Variants in RS1 observed in about 807,000 individuals in gnomAD.
RS1 encodes retinoschisin.
A neutral mutation model predicts 20.8 loss-of-function variants in RS1; 2 were observed. The observed-to-expected ratio is 0.10, with a 90% CI of 0.04 to 0.30. RS1 has a LOEUF of 0.30. Ranked by LOEUF, RS1 falls within the 10% of genes least tolerant of loss-of-function variation. The pLI is 1.00. For synonymous variants in RS1, 70 were observed against 75.8 expected (o/e 0.92, Z 0.40); for missense variants, 151 against 189.8 (o/e 0.80, Z 1.20).
At chrX:18,655,986 C>CTTTTTTTTTTTTTTTTTTTTT (rs56213978) in intron 3 of RS1, among the ~76,000 whole-genome samples, 2 of 50,826 alleles carry the variant, frequency 3.9e-5, no homozygotes, top group African/African-American at 1.6e-4. Flanking sequence ...TTTTCTTTTC[C>CTTTTTTTTTTTTTTTTTTTTT]TTTTTTTTTT....
At position 18,649,464 on chromosome X, in the gene RS1, C is replaced by T. The variant is rs150561457; in HGVS notation, c.185-2132G>A. 2.9e-3 allele frequency among the ~76,000 whole-genome samples: 328 copies of T among 111,779 alleles called. 1 individual carries two copies. Among genetic ancestry groups the T allele is most frequent in the Non-Finnish European group, 4.3e-3 (229 of 53,151 alleles). ...GTTGAATGAAACATGCTTGCAGAGACGGCCATGCCCTGTCCCCAGAGGCTA... is the reference window on the plus strand; with the variant it reads ...GTTGAATGAAACATGCTTGCAGAGATGGCCATGCCCTGTCCCCAGAGGCTA... On this transcript the variant is annotated intron_variant, in intron 3 of 5. Coordinates refer to ENST00000379984, the MANE Select transcript of RS1 (RefSeq NM_000330.4).
chrX:18,654,880 G>A (rs1928184632), intron 3 of RS1, among the ~76,000 whole-genome samples: 2 of 111,851 alleles, frequency 1.8e-5, no homozygotes, highest in Admixed American at 1.9e-4. Flanking sequence ...CTTTTTTAAT[G>A]CATATTTAAT....
chrX:18,661,189 T>C (rs1928301901), intron 1 of RS1, among the ~76,000 whole-genome samples: 1 of 111,769 alleles, frequency 8.9e-6, no homozygotes, highest in Non-Finnish European at 1.9e-5. Flanking sequence ...GGGAGGTGAT[T>C]AGGCTTTGCC....
At chrX:18,657,138 T>C (rs1423979816) in intron 2 of RS1, among the ~76,000 whole-genome samples, 12 of 109,681 alleles carry the variant, frequency 1.1e-4, no homozygotes, top group Non-Finnish European at 1.9e-4. Context: ...CCTGTTTTAC[T>C]TGCATTCTCT....
intron 3 of RS1, among the ~76,000 whole-genome samples, chrX:18,651,637 G>A (rs750336527): frequency 1.3e-3 from 140 of 111,338 alleles, no homozygotes; most frequent in South Asian, 2.3e-3. Context: ...GCCTGCCCTC[G>A]CAAGCTCGTG....
intron 3 of RS1, among the ~76,000 whole-genome samples, chrX:18,651,423 C>T (rs953965020): frequency 7.2e-5 from 8 of 111,073 alleles, no homozygotes; most frequent in African/African-American, 2.6e-4. Flanking sequence ...GGTCACAGCC[C>T]CAGCTAAAGT....
intron 3 of RS1, among the ~76,000 whole-genome samples, chrX:18,655,913 G>A (rs1207243865): frequency 9.1e-6 from 1 of 109,861 alleles, no homozygotes. Flanking sequence ...TCATCTTCCT[G>A]GCTCTAGAGC....
At chrX:18,662,957 A>T (rs778911167) in intron 1 of RS1, among the ~76,000 whole-genome samples, 10 of 108,224 alleles carry the variant, frequency 9.2e-5, no homozygotes, top group African/African-American at 3.1e-4. Context: ...ATAGTATTCC[A>T]TGGTGTATAT....
intron 3 of RS1, among the ~76,000 whole-genome samples, chrX:18,648,063 A>G (rs911903698): frequency 6.3e-5 from 7 of 110,827 alleles, no homozygotes; most frequent in Non-Finnish European, 1.3e-4. Context: ...GAGGCTGGGC[A>G]CGGTGACTCA....
intron 1 of RS1, among the ~76,000 whole-genome samples, chrX:18,665,247 TG>T (rs1928385338): frequency 8.9e-6 from 1 of 112,261 alleles, no homozygotes; most frequent in African/African-American, 3.2e-5. Context: ...GCTGAGGCAG[TG>T]AGGTGCAAAC....
chrX:18,659,880 T>C (rs926028301), intron 1 of RS1, among the ~76,000 whole-genome samples: 14 of 111,844 alleles, frequency 1.3e-4, no homozygotes, highest in African/African-American at 4.6e-4. Context: ...CAGTCTAATC[T>C]TCTCCCCTGA....
chrX:18,647,596 T>G, intron 3 of RS1: 1 of 371,830 alleles, frequency 2.7e-6, no homozygotes, highest in Non-Finnish European at 4.7e-6. Context: ...TATGGCAACT[T>G]CACAAGGGGT....
intron 3 of RS1, among the ~76,000 whole-genome samples, chrX:18,651,135 A>AC (rs1478791858): frequency 5.3e-5 from 1 of 19,013 alleles, no homozygotes; most frequent in Non-Finnish European, 1.1e-4. Context: ...CCACCACCGC[A>AC]CCCCCCGCCA....
At chrX:18,654,139 T>C (rs1928164693) in intron 3 of RS1, among the ~76,000 whole-genome samples, 1 of 104,551 alleles carries the variant, frequency 9.6e-6, no homozygotes, top group Non-Finnish European at 2.0e-5. Flanking sequence ...CACATGACTC[T>C]TCTCTCTCTC....
At position 18,656,743 on chromosome X, in the gene RS1, G is replaced by A. The variant is rs1293888168; in HGVS notation, c.94C>T (p.Pro32Ser). The A allele has an allele frequency of 1.1e-5, 13 of 1,208,136 alleles. No homozygotes were observed. In the East Asian group the frequency reaches 3.6e-4, roughly 33 times the overall value. Reference sequence around the variant, plus strand: ...CACTTGCATGCTTTTTGGTACCAGGGGTCCTCGCCTTCATCCTGCAGCCAA... The same window carrying A: ...CACTTGCATGCTTTTTGGTACCAGGAGTCCTCGCCTTCATCCTGCAGCCAA... ...LSSTEDEGEDPWYQKACKCDC... is the reference protein window; with the variant it reads ...LSSTEDEGEDSWYQKACKCDC... Residue 32 changes from proline (P) to serine (S), a missense_variant, in exon 3 of 6, where the codon CCC (proline) becomes TCC (serine). Coordinates refer to ENST00000379984, the MANE Select transcript of RS1 (RefSeq NM_000330.4).
intron 3 of RS1, among the ~76,000 whole-genome samples, chrX:18,648,173 GCA>G (rs908145993): frequency 1.8e-4 from 20 of 111,253 alleles, no homozygotes; most frequent in South Asian, 3.8e-4. Context: ...GCAGTGGCAG[GCA>G]CAGTGTCGAG....
In RS1 at chrX:18,647,304, G is replaced by A. The variant is rs764292483; in HGVS notation, c.213C>T (p.Phe71=). 4.1e-6 allele frequency: 5 copies of A among 1,208,869 alleles called. No individual in the cohort carries two copies. Among genetic ancestry groups the A allele is most frequent in the East Asian group, 3.0e-5 (1 of 33,764 alleles). Reference sequence around the variant, plus strand: ...GGTCCGGTGTGACCTCCCCTGACTCGAAACCCAGAGGCTTGTGATATGGGC... The same window carrying A: ...GGTCCGGTGTGACCTCCCCTGACTCAAAACCCAGAGGCTTGTGATATGGGC... ...PECPYHKPLG[F]ESGEVTPDQI... Residue 71 remains phenylalanine, a synonymous_variant, in exon 4 of 6, where the codon TTC becomes TTT. Coordinates refer to ENST00000379984, the MANE Select transcript of RS1 (RefSeq NM_000330.4).
Position 18,656,687 on chromosome X carries a change from C to A in RS1, c.150G>T (p.Trp50Cys), listed in dbSNP as rs200866925. The A allele has an allele frequency of 1.8e-4, 212 of 1,209,037 alleles. No homozygotes were observed. The highest frequency in any genetic ancestry group is 2.3e-4 in the Non-Finnish European group (206 of 894,665). ...AGTCCAAGGAGGTGGCACCTGCAGACCACAGAGCATTGGGTCCTCCTTGGC... is the reference window on the plus strand; with the variant it reads ...AGTCCAAGGAGGTGGCACCTGCAGAACACAGAGCATTGGGTCCTCCTTGGC... ...CDCQGGPNAL[W>C]SAGATSLDCI... Residue 50 changes from tryptophan to cysteine, a missense_variant, in exon 3 of 6, where the codon TGG (tryptophan) becomes TGT (cysteine). Physicochemically the swap from Trp to Cys is radical, Grantham distance 215. Coordinates refer to ENST00000379984, the MANE Select transcript of RS1 (RefSeq NM_000330.4).
rs567194399 is a variant in RS1 at position 18,665,017 on chromosome X, C to G, written c.52+7000G>C. On this transcript the variant is annotated intron_variant, in intron 1 of 5. Transcript: ENST00000379984. ...ACAGGCGTGAGCCCCTGCACCTGGC[C>G]TCTTTTCTCTATTTCTTATCTCCTG... Among the ~76,000 whole-genome samples the G allele has an allele frequency of 8.9e-5, 10 of 112,366 alleles. No individual in the cohort carries two copies. In the Middle Eastern group the frequency reaches 0.014, roughly 155 times the overall value.
Sources: allele counts gnomAD v4.1 joint callset (sites outside exome capture counted in the v4.1 genomes callset), GRCh38; gene constraint gnomAD v4.1.1; transcripts MANE v1.5; gene names NCBI Gene and HGNC (gene_info 2026-07-23, HGNC 2026-07-21).